The following IFT25 variants were observed in gnomAD, a reference collection of about 807,000 sequenced individuals.
The protein encoded by IFT25 is intraflagellar transport protein 25 homolog.
At chr1:53,937,546 G>A in the IFT25 span, among the ~76,000 whole-genome samples, 66 of 152,170 alleles carry the variant, frequency 4.3e-4, no homozygotes, top group Admixed American at 1.1e-3. Context: ...ATGTTTTCCC[G>A]TACTAACAGT....
At chr1:53,916,687 G>GC in the IFT25 span, 1 of 316,548 alleles carries the variant, frequency 3.2e-6, no homozygotes, top group South Asian at 1.6e-4. Flanking sequence ...CTGTGATCTA[G>GC]CCGTAATGTT....
chr1:53,943,602 G>A, the IFT25 span, among the ~76,000 whole-genome samples: 4 of 152,118 alleles, frequency 2.6e-5, no homozygotes, highest in Non-Finnish European at 5.9e-5. Flanking sequence ...CGGTGGAAAT[G>A]TGAGGGTTGG....
chr1:53,924,521 G>T, the IFT25 span, among the ~76,000 whole-genome samples: 18 of 152,304 alleles, frequency 1.2e-4, no homozygotes, highest in East Asian at 2.1e-3. Flanking sequence ...CTGGAAACAT[G>T]AAAGATTTAA....
At chr1:53,940,339 C>CA in the IFT25 span, among the ~76,000 whole-genome samples, 1 of 151,050 alleles carries the variant, frequency 6.6e-6, no homozygotes, top group Non-Finnish European at 1.5e-5. Context: ...CCTAGCCAAA[C>CA]AAAAAAACAA....
At chr1:53,933,135 CT>C in the IFT25 span, among the ~76,000 whole-genome samples, 5,956 of 131,180 alleles carry the variant, frequency 0.045, 207 homozygotes, top group African/African-American at 0.15. Context: ...TCCTTTTTCT[CT>C]TTTTTTTTTT....
At chr1:53,921,004 C>T in the IFT25 span, among the ~76,000 whole-genome samples, 1 of 152,106 alleles carries the variant, frequency 6.6e-6, no homozygotes, top group Non-Finnish European at 1.5e-5. Flanking sequence ...GAAACCCCTT[C>T]TCTACAAAAA....
At chr1:53,922,623 A>C in the IFT25 span, among the ~76,000 whole-genome samples, 3 of 152,288 alleles carry the variant, frequency 2.0e-5, no homozygotes, top group African/African-American at 7.2e-5. Context: ...AGTAAGAAAA[A>C]AGGTGAAGGT....
At chr1:53,923,301 A>G in the IFT25 span, among the ~76,000 whole-genome samples, 2 of 152,052 alleles carry the variant, frequency 1.3e-5, no homozygotes, top group African/African-American at 4.8e-5. Context: ...ACCACCTAAT[A>G]GATATTCAGT....
the IFT25 span, among the ~76,000 whole-genome samples, chr1:53,936,964 A>G: frequency 6.6e-6 from 1 of 152,036 alleles, no homozygotes; most frequent in African/African-American, 2.4e-5. Context: ...ATGCCCAGCT[A>G]TTTATTTAAC....
chr1:53,944,468 A>C, the IFT25 span, among the ~76,000 whole-genome samples: 1 of 152,182 alleles, frequency 6.6e-6, no homozygotes, highest in Non-Finnish European at 1.5e-5. Context: ...AACATGGTGA[A>C]ACCTCGTCTC....
At chr1:53,924,130 GAT>G in the IFT25 span, among the ~76,000 whole-genome samples, 1 of 152,020 alleles carries the variant, frequency 6.6e-6, no homozygotes, top group African/African-American at 2.4e-5. Context: ...AGGCAAAAAA[GAT>G]AAACTATGAG....
At chr1:53,916,129 G>A in the IFT25 span, among the ~76,000 whole-genome samples, 5 of 150,588 alleles carry the variant, frequency 3.3e-5, no homozygotes, top group South Asian at 2.1e-4. Flanking sequence ...AGGCTGCTGT[G>A]AGCTGTGTTT....
chr1:53,927,238 T>A, the IFT25 span, among the ~76,000 whole-genome samples: 1 of 152,260 alleles, frequency 6.6e-6, no homozygotes, highest in Non-Finnish European at 1.5e-5. Flanking sequence ...TGAGCCACAC[T>A]TATTGATTAC....
chr1:53,925,360 T>C, the IFT25 span, among the ~76,000 whole-genome samples: 1 of 152,064 alleles, frequency 6.6e-6, no homozygotes, highest in East Asian at 1.9e-4. Flanking sequence ...TTTTTAGTTA[T>C]GAAAAATTGA....
At chr1:53,938,674 A>G in the IFT25 span, among the ~76,000 whole-genome samples, 6 of 152,244 alleles carry the variant, frequency 3.9e-5, no homozygotes, top group East Asian at 1.9e-4. Context: ...AAATAAACCC[A>G]TAAGTCCCGC....
At chr1:53,926,067 A>G in the IFT25 span, among the ~76,000 whole-genome samples, 1 of 143,556 alleles carries the variant, frequency 7.0e-6, no homozygotes, top group Non-Finnish European at 1.5e-5. Context: ...GCGCCACTGC[A>G]CTCCAGTCTC....
the IFT25 span, among the ~76,000 whole-genome samples, chr1:53,944,586 G>A: frequency 6.6e-6 from 1 of 152,236 alleles, no homozygotes; most frequent in African/African-American, 2.4e-5. Context: ...CGGAGGCTCA[G>A]TGAGGCGAGA....
chr1:53,913,820 C>G, the IFT25 span, among the ~76,000 whole-genome samples: 1 of 152,304 alleles, frequency 6.6e-6, no homozygotes, highest in East Asian at 1.9e-4. Flanking sequence ...AGTGCACTCT[C>G]TGCACACACA....
the IFT25 span, among the ~76,000 whole-genome samples, chr1:53,932,545 A>C: frequency 5.9e-5 from 9 of 152,222 alleles, no homozygotes; most frequent in Non-Finnish European, 1.0e-4. Context: ...TTTATGTTTC[A>C]GCACATTTCA....
Sources: allele counts gnomAD v4.1 joint callset (sites outside exome capture counted in the v4.1 genomes callset), GRCh38; gene constraint gnomAD v4.1.1; transcripts MANE v1.5; gene names NCBI Gene and HGNC (gene_info 2026-07-23, HGNC 2026-07-21).